TRAPPC9: variants seen among roughly 807,000 people sequenced by gnomAD.
TRAPPC9 encodes IKK2 binding protein.
TRAPPC9 carries 83 observed loss-of-function variants against 124.0 expected under a neutral mutation model. That is an observed-to-expected ratio of 0.67 (90% confidence interval 0.56 to 0.80). The LOEUF is 0.80. TRAPPC9 is among the 30% of genes least tolerant of loss of function. The pLI, the probability that TRAPPC9 is intolerant of heterozygous loss-of-function variation, is 0.00. For synonymous variants in TRAPPC9, 638 were observed against 617.5 expected (o/e 1.03, Z -0.49); for missense variants, 1,302 against 1,508.3 (o/e 0.86, Z 2.27).
At position 140,023,946 on chromosome 8, in the gene TRAPPC9, G is replaced by A; in HGVS notation, c.2690C>T (p.Pro897Leu). 1 of 1,614,020 alleles carries A rather than the reference G, an allele frequency of 6.2e-7. No homozygotes were observed. The highest frequency in any genetic ancestry group is 8.5e-7 in the Non-Finnish European group (1 of 1,179,930). The stretch of plus-strand genomic sequence containing the variant: ...GCAGGAAGACATTTACCTGGTTGCT[G>A]GGAGGGTGCTGACTCGGGTGAAAAA... ...SVFFTRVSTL[P>L]ATSTRQCHLL... is the part of the protein sequence containing the mutation. Residue 897 changes from proline (P) to leucine (L), a missense_variant, in exon 18 of 23, where the codon CCA (proline) becomes CTA (leucine). By Grantham distance (98) the Pro-to-Leu change is moderately conservative. Around this residue, in one of 3 missense-constraint regions of TRAPPC9, gnomAD observed 640 missense variants for 679.3 expected, o/e 0.94. Transcript: ENST00000438773.
intron 5 of TRAPPC9, among the ~76,000 whole-genome samples, chr8:140,414,938 C>T (rs1470212137): frequency 6.6e-6 from 1 of 152,020 alleles, no homozygotes; most frequent in Non-Finnish European, 1.5e-5. Context: ...TGGGGTTTCA[C>T]CATGTTGGCC....
chr8:140,176,540 T>C (rs1418940697), intron 17 of TRAPPC9, among the ~76,000 whole-genome samples: 2 of 152,230 alleles, frequency 1.3e-5, no homozygotes, highest in East Asian at 1.9e-4. Context: ...TGCATGGGTA[T>C]GTTAAAGTGT....
At chr8:139,989,195 T>C (rs1038249399) in intron 18 of TRAPPC9, among the ~76,000 whole-genome samples, 2 of 152,212 alleles carry the variant, frequency 1.3e-5, no homozygotes, top group Non-Finnish European at 2.9e-5. Context: ...AGTCTGATCA[T>C]CTGCAGAGAA....
At chr8:139,840,657 C>T (rs1293972947) in intron 21 of TRAPPC9, among the ~76,000 whole-genome samples, 3 of 152,282 alleles carry the variant, frequency 2.0e-5, no homozygotes, top group South Asian at 2.1e-4. Flanking sequence ...AGGAGGGTGG[C>T]GGTTTCCACG....
At chr8:139,791,038 G>A (rs1822622204) in intron 21 of TRAPPC9, among the ~76,000 whole-genome samples, 1 of 152,124 alleles carries the variant, frequency 6.6e-6, no homozygotes, top group Non-Finnish European at 1.5e-5. Flanking sequence ...TGGACAGCCT[G>A]CAGAACCACG....
intron 21 of TRAPPC9, among the ~76,000 whole-genome samples, chr8:139,791,088 C>G (rs527293948): frequency 1.3e-5 from 2 of 152,264 alleles, no homozygotes; most frequent in South Asian, 4.1e-4. Flanking sequence ...CACCCAGCCT[C>G]AGGTATTCCT....
Position 140,104,102 on chromosome 8 carries a change from G to A in TRAPPC9, c.2557-80023C>T, listed in dbSNP as rs1339544033. On this transcript the variant is annotated intron_variant, in intron 17 of 22. Transcript: ENST00000438773. This position sits in a 1 kb window ranked among gnomAD's most constrained non-coding sequence, Gnocchi z 4.0. ...ACTTAGCACTTATCCTGGGTACCAA[G>A]CATTGTACCATATGCCAGGCTGGAG... is the stretch of plus-strand genomic sequence containing the variant. 1.3e-5 allele frequency among the ~76,000 whole-genome samples: 2 copies of A among 152,212 alleles called. No individual in the cohort carries two copies. Among genetic ancestry groups the A allele is most frequent in the African/African-American group, 4.8e-5 (2 of 41,450 alleles).
At chr8:140,120,872 T>C (rs1299372626) in intron 17 of TRAPPC9, among the ~76,000 whole-genome samples, 1 of 152,036 alleles carries the variant, frequency 6.6e-6, no homozygotes, top group African/African-American at 2.4e-5. Context: ...CATTCATCCA[T>C]CCATTCATCC....
At chr8:139,858,205 AAAC>A (rs566288828) in intron 21 of TRAPPC9, among the ~76,000 whole-genome samples, 33 of 152,370 alleles carry the variant, frequency 2.2e-4, no homozygotes, top group Admixed American at 1.8e-3. Context: ...CTAACTCTTT[AAAC>A]AACAACAACA....
In TRAPPC9 at chr8:140,079,543, TG is replaced by T. The variant is rs368049980; in HGVS notation, c.2557-55465del. Among the ~76,000 whole-genome samples, 15 of 152,202 alleles carry T rather than the reference TG, an allele frequency of 9.9e-5. No homozygotes were observed. The East Asian group carries it at 2.1e-3, about 22-fold the overall frequency. ...GAAGTTTGTTCATATTTATTACAAG[TG>T]CTCTCCCTACACCCAAGGACCTGGA... On this transcript the variant is annotated intron_variant, in intron 17 of 22. Transcript: ENST00000438773.
chr8:139,987,567 GAA>G (rs1491440216), intron 19 of TRAPPC9, among the ~76,000 whole-genome samples: 3 of 146,292 alleles, frequency 2.1e-5, no homozygotes, highest in South Asian at 2.3e-4. Context: ...GAGAGAGAGA[GAA>G]AGATCTGGGG....
chr8:140,107,980 GAGAC>G lies in TRAPPC9; in HGVS notation c.2557-83905_2557-83902del, dbSNP rs1317811835. Among the ~76,000 whole-genome samples the G allele has an allele frequency of 2.0e-5, 3 of 152,044 alleles. No individual in the cohort carries two copies. The East Asian group carries it at 5.8e-4, about 29-fold the overall frequency. On this transcript the variant is annotated intron_variant, in intron 17 of 22. Coordinates refer to ENST00000438773, the MANE Select transcript of TRAPPC9 (RefSeq NM_001160372.4). ...TGGTGGGGGTGGGGTGTAGGGGGAT[GAGAC>G]AGACAGACACGCACACATATATGCA...
chr8:140,235,108 A>G (rs1043294506), intron 16 of TRAPPC9, among the ~76,000 whole-genome samples: 1 of 152,082 alleles, frequency 6.6e-6, no homozygotes, highest in African/African-American at 2.4e-5. Context: ...GTAGGCTGGG[A>G]TTACAAGCGC....
At chr8:140,445,161 G>A (rs2071197903) in intron 2 of TRAPPC9, among the ~76,000 whole-genome samples, 1 of 152,232 alleles carries the variant, frequency 6.6e-6, no homozygotes, top group East Asian at 1.9e-4. Context: ...TTTCCCCCAT[G>A]GTAAGAAACA....
intron 21 of TRAPPC9, among the ~76,000 whole-genome samples, chr8:139,733,179 G>A (rs1392671150): frequency 6.6e-6 from 1 of 152,208 alleles, no homozygotes; most frequent in Non-Finnish European, 1.5e-5. Context: ...CCTGTAGTGA[G>A]TGACAATGTC....
chr8:139,889,406 C>A (rs576009260), intron 20 of TRAPPC9, among the ~76,000 whole-genome samples: 1 of 152,170 alleles, frequency 6.6e-6, no homozygotes, highest in Non-Finnish European at 1.5e-5. Context: ...TTTCTAACCT[C>A]ACTTGGGGCC....
chr8:139,779,096 T>C (rs1002917472), intron 21 of TRAPPC9, among the ~76,000 whole-genome samples: 2 of 151,958 alleles, frequency 1.3e-5, no homozygotes, highest in African/African-American at 2.4e-5. Context: ...ATATCAAAAT[T>C]AGACAGAAAA....
At chr8:139,888,131 G>A (rs1563895175) in intron 20 of TRAPPC9, among the ~76,000 whole-genome samples, 1 of 152,172 alleles carries the variant, frequency 6.6e-6, no homozygotes, top group Non-Finnish European at 1.5e-5. Context: ...AACTCATCCC[G>A]TCCTCCCTCA....
intron 9 of TRAPPC9, among the ~76,000 whole-genome samples, chr8:140,354,649 C>T (rs2067685068): frequency 6.6e-6 from 1 of 152,192 alleles, no homozygotes; most frequent in South Asian, 2.1e-4. Context: ...TTTTTCCATT[C>T]CTGGCTGCTC....
Sources: allele counts gnomAD v4.1 joint callset (sites outside exome capture counted in the v4.1 genomes callset), GRCh38; gene constraint gnomAD v4.1.1; regional missense constraint gnomAD v4.1.1; non-coding constraint Gnocchi (gnomAD v3.1); transcripts MANE v1.5; gene names NCBI Gene and HGNC (gene_info 2026-07-23, HGNC 2026-07-21).